Variants in TBC1D5 observed in about 807,000 individuals in gnomAD.
TBC1D5 encodes the protein TBC1 domain family member 5.
A neutral mutation model predicts 100.3 loss-of-function variants in TBC1D5; 75 were observed. That is an observed-to-expected ratio of 0.75 (90% CI 0.62 to 0.91). The LOEUF is 0.91. Ranked by LOEUF, TBC1D5 falls within the 40% of genes least tolerant of loss-of-function variation. The pLI is 0.00. For missense variants in TBC1D5, 910 were observed against 942.4 expected (o/e 0.97, Z 0.45); for synonymous variants, 323 against 325.6 (o/e 0.99, Z 0.09).
intron 16 of TBC1D5, among the ~76,000 whole-genome samples, chr3:17,258,123 T>C (rs934230203): frequency 8.5e-5 from 13 of 152,056 alleles, no homozygotes; most frequent in South Asian, 2.1e-4. Flanking sequence ...CTAAAGACAG[T>C]TGGGAAACAC....
rs113955556 is a variant in TBC1D5 at position 17,474,408 on chromosome 3, T to C, written c.97+34066A>G. On this transcript the variant is annotated intron_variant, in intron 3 of 21. Transcript: ENST00000253692. ...AATGGGAAAATCATACCCTGTTTTCTATTTAATTCATTAAAAATTGAACAT... is the reference window on the plus strand; with the variant it reads ...AATGGGAAAATCATACCCTGTTTTCCATTTAATTCATTAAAAATTGAACAT... Among the ~76,000 whole-genome samples the C allele has an allele frequency of 1.7e-3, 264 of 152,290 alleles. 2 individuals carry two copies. Among genetic ancestry groups the C allele is most frequent in the Non-Finnish European group, 3.1e-3 (211 of 67,990 alleles).
At chr3:17,615,570 T>G (rs1442266437) in intron 2 of TBC1D5, among the ~76,000 whole-genome samples, 1 of 152,216 alleles carries the variant, frequency 6.6e-6, no homozygotes, top group Non-Finnish European at 1.5e-5. Context: ...CAGAGCCTGT[T>G]ATTGTTCTAT....
chr3:17,634,653 A>C (rs530305784), intron 1 of TBC1D5, among the ~76,000 whole-genome samples: 1 of 151,984 alleles, frequency 6.6e-6, no homozygotes, highest in East Asian at 1.9e-4. Context: ...AAAGTGAATA[A>C]GACTAAGTAT....
At chr3:17,436,760 T>C (rs1233322074) in intron 3 of TBC1D5, among the ~76,000 whole-genome samples, 1 of 152,136 alleles carries the variant, frequency 6.6e-6, no homozygotes, top group Middle Eastern at 3.2e-3. Context: ...AAAACCATGG[T>C]CAGTCTATCA....
At chr3:17,271,819 A>G (rs2470577) in intron 15 of TBC1D5, among the ~76,000 whole-genome samples, 63,580 of 151,942 alleles carry the variant, frequency 0.42, 14,018 homozygotes, top group Middle Eastern at 0.5. Flanking sequence ...ATGAAAGGAT[A>G]TTGGATTTTA....
At chr3:17,583,684 G>A (rs112797195) in intron 2 of TBC1D5, among the ~76,000 whole-genome samples, 22 of 152,288 alleles carry the variant, frequency 1.4e-4, no homozygotes, top group African/African-American at 4.6e-4. Context: ...CCAAGATTGC[G>A]CCACTGCATT....
At chr3:17,583,587 C>T (rs2096713794) in intron 2 of TBC1D5, among the ~76,000 whole-genome samples, 1 of 152,050 alleles carries the variant, frequency 6.6e-6, no homozygotes, top group South Asian at 2.1e-4. Flanking sequence ...ATTAGCCGGG[C>T]ATAGTGGCAT....
intron 8 of TBC1D5, among the ~76,000 whole-genome samples, chr3:17,395,924 T>C (rs1326045580): frequency 1.3e-5 from 2 of 152,148 alleles, no homozygotes; most frequent in Non-Finnish European, 2.9e-5. Flanking sequence ...ACAGGAAAGA[T>C]ACTAAATATA....
chr3:17,468,987 C>A (rs1450152531), intron 3 of TBC1D5, among the ~76,000 whole-genome samples: 2 of 152,174 alleles, frequency 1.3e-5, no homozygotes, highest in Non-Finnish European at 2.9e-5. Flanking sequence ...GACTTTGAAC[C>A]TGGAGAAGGG....
chr3:17,363,617 C>T (rs1243019138), intron 13 of TBC1D5, among the ~76,000 whole-genome samples: 2 of 151,218 alleles, frequency 1.3e-5, no homozygotes, highest in African/African-American at 4.8e-5. Context: ...CACTACCTTG[C>T]CCCCAGCCTG....
chr3:17,460,074 C>T (rs1225011347), intron 3 of TBC1D5, among the ~76,000 whole-genome samples: 1 of 152,158 alleles, frequency 6.6e-6, no homozygotes, highest in African/African-American at 2.4e-5. Context: ...TTTCAGTACG[C>T]ACTGTTTCAC....
intron 13 of TBC1D5, among the ~76,000 whole-genome samples, chr3:17,316,731 G>A (rs556822001): frequency 1.8e-4 from 27 of 152,212 alleles, no homozygotes; most frequent in African/African-American, 5.5e-4. Context: ...TCTGTAAATC[G>A]GCACTATCTT....
At chr3:17,670,244 C>A (rs772232526) in intron 1 of TBC1D5, among the ~76,000 whole-genome samples, 1 of 152,196 alleles carries the variant, frequency 6.6e-6, no homozygotes, top group Non-Finnish European at 1.5e-5. Context: ...CCAAATCACT[C>A]TGAACATGTA....
At chr3:17,324,332 T>C (rs1408061470) in intron 13 of TBC1D5, among the ~76,000 whole-genome samples, 3 of 152,168 alleles carry the variant, frequency 2.0e-5, no homozygotes, top group Admixed American at 1.3e-4. Context: ...AACTTATCTT[T>C]GAAAGGTACC....
chr3:17,593,341 G>A (rs2060354704), intron 2 of TBC1D5, among the ~76,000 whole-genome samples: 3 of 152,152 alleles, frequency 2.0e-5, no homozygotes, highest in South Asian at 4.2e-4. Context: ...CAGGGATGGA[G>A]GTTACACACG....
At chr3:17,592,501 T>G (rs2060293774) in intron 2 of TBC1D5, among the ~76,000 whole-genome samples, 1 of 152,204 alleles carries the variant, frequency 6.6e-6, no homozygotes, top group Admixed American at 6.5e-5. Flanking sequence ...ATTTGGCACC[T>G]CCTACAAACA....
intron 3 of TBC1D5, among the ~76,000 whole-genome samples, chr3:17,434,174 C>T (rs2094494744): frequency 6.6e-6 from 1 of 152,214 alleles, no homozygotes; most frequent in East Asian, 1.9e-4. Context: ...AACAGTGGCC[C>T]TCTTCTCACA....
chr3:17,455,571 G>C (rs2095065412), intron 3 of TBC1D5, among the ~76,000 whole-genome samples: 1 of 150,116 alleles, frequency 6.7e-6, no homozygotes, highest in Non-Finnish European at 1.5e-5. Flanking sequence ...TGGTGCAGTG[G>C]CTCATGCCTG....
At chr3:17,283,223 A>T (rs1371321097) in intron 15 of TBC1D5, among the ~76,000 whole-genome samples, 1 of 152,244 alleles carries the variant, frequency 6.6e-6, no homozygotes, top group Admixed American at 6.5e-5. Flanking sequence ...CAAAGGGTCC[A>T]TTGAGATTAT....
Sources: gnomAD v4.1 joint callset for allele counts (sites outside exome capture counted in the v4.1 genomes callset) on GRCh38, gnomAD v4.1.1 for gene constraint, MANE v1.5 for transcripts, NCBI Gene and HGNC (gene_info 2026-07-23, HGNC 2026-07-21) for gene names.